MTMR8: variants seen among roughly 807,000 people sequenced by gnomAD.
MTMR8 encodes phosphatidylinositol-3,5-bisphosphate 3-phosphatase MTMR8.
MTMR8 carries 65 observed loss-of-function variants against 39.3 expected under a neutral mutation model. The ratio of observed to expected loss-of-function variants is 1.65; its 90% CI spans 1.35 to 2.03. The LOEUF (loss-of-function observed/expected upper bound fraction) is 2.03, where lower values mean the gene tolerates loss of function less well. Among genes scored for constraint, MTMR8 ranks in the 30% most tolerant of loss-of-function variants. MTMR8 has a pLI of 0.00. For synonymous variants in MTMR8, 245 were observed against 185.2 expected (o/e 1.32, Z -2.62); for missense variants, 777 against 538.9 (o/e 1.44, Z -4.37).
chrX:64,357,174 A>ATCTT lies in MTMR8; in HGVS notation c.148-837_148-836insAAGA, dbSNP rs752870535. 3.2e-3 allele frequency among the ~76,000 whole-genome samples: 360 copies of ATCTT among 111,511 alleles called. 3 individuals are homozygous for ATCTT. The highest frequency in any genetic ancestry group is 0.011 in the African/African-American group (347 of 30,734). ...TCATGGTTTTGCATTTTGATCTTTG[A>ATCTT]TGTTCTCCTCCTATCCCTGTCTTAT... On this transcript the variant is annotated intron_variant, in intron 2 of 13. Coordinates refer to ENST00000374852, the MANE Select transcript of MTMR8 (RefSeq NM_017677.4).
rs1043984745 is a variant in MTMR8 at position 64,349,829 on chromosome X, A to G, written c.597+113T>C. On this transcript the variant is annotated intron_variant, in intron 5 of 13. Transcript: ENST00000374852. The stretch of plus-strand genomic sequence containing the variant: ...AACCTTCAGAAGTATGAAAGTCCAG[A>G]GAAGTTAAGTAACTTGCCTGAGGTC... The G allele has an allele frequency of 1.0e-5, 6 of 581,346 alleles. No individual in the cohort carries two copies. The African/African-American group carries it at 1.2e-4, about 11-fold the overall frequency. The allele number at this position is 581,346 out of a possible 1,213,427, so 47.9% of individuals were successfully genotyped here.
In MTMR8 at chrX:64,318,426, C is replaced by CT. The variant is rs770115261; in HGVS notation, c.1481+10345dup. On this transcript the variant is annotated intron_variant, in intron 12 of 13. Transcript: ENST00000374852. ...AGAAAGAGATGGCTTCTATTTGTGGCTTTTTTTTCTGTTCCCGTGTTATGT... is the reference window on the plus strand; with the variant it reads ...AGAAAGAGATGGCTTCTATTTGTGGCTTTTTTTTTCTGTTCCCGTGTTATGT... 2.7e-4 allele frequency among the ~76,000 whole-genome samples: 30 copies of CT among 111,049 alleles called. No individual in the cohort carries two copies. In the East Asian group the frequency reaches 4.3e-3, roughly 16 times the overall value.
chrX:64,348,645 C>T lies in MTMR8; in HGVS notation c.732+15G>A, dbSNP rs1357711405. 8.3e-7 allele frequency: 1 copy of T among 1,206,905 alleles called. No homozygotes were observed. Among genetic ancestry groups the T allele is most frequent in the Non-Finnish European group, 1.1e-6 (1 of 893,264 alleles). On this transcript the variant is annotated intron_variant, in intron 6 of 13. Transcript: ENST00000374852. ...AGAGGCAGAAATATCAAAGAAATCA[C>T]TGAGAAATAGATACCTTTGGTCTTG...
At chrX:64,321,796 T>C (rs1214838095) in intron 12 of MTMR8, among the ~76,000 whole-genome samples, 1 of 112,242 alleles carries the variant, frequency 8.9e-6, no homozygotes, top group Non-Finnish European at 1.9e-5. Flanking sequence ...CCTGTGGGTT[T>C]GTCATATGTG....
intron 1 of MTMR8, among the ~76,000 whole-genome samples, chrX:64,376,029 T>C (rs980631587): frequency 4.0e-4 from 45 of 111,808 alleles, no homozygotes; most frequent in Non-Finnish European, 7.7e-4. Flanking sequence ...TGTGCCTACT[T>C]CCCCTTTGCT....
intron 12 of MTMR8, among the ~76,000 whole-genome samples, chrX:64,326,899 T>C (rs995310923): frequency 5.5e-5 from 6 of 109,148 alleles, no homozygotes; most frequent in Admixed American, 4.9e-4. Context: ...AAAATGCATA[T>C]ACAGGCAAAG....
At chrX:64,285,561 A>G (rs1921134740) in intron 12 of MTMR8, among the ~76,000 whole-genome samples, 1 of 111,870 alleles carries the variant, frequency 8.9e-6, no homozygotes, top group African/African-American at 3.3e-5. Flanking sequence ...AAAACTGACC[A>G]CATAGTTGGA....
chrX:64,303,478 T>C (rs1465446793), intron 12 of MTMR8, among the ~76,000 whole-genome samples: 1 of 112,350 alleles, frequency 8.9e-6, no homozygotes, highest in Non-Finnish European at 1.9e-5. Flanking sequence ...TAGTTGATTT[T>C]TAAACACAAA....
chrX:64,351,689 G>A (rs1883667), intron 4 of MTMR8, among the ~76,000 whole-genome samples: 14,397 of 111,142 alleles, frequency 0.13, 2,199 homozygotes, highest in African/African-American at 0.44. Context: ...CTGAAGGCCC[G>A]AGAGCCCCTG....
Position 64,306,379 on chromosome X carries a change from G to A in MTMR8, c.1481+22393C>T, listed in dbSNP as rs182822085. ...TGTAAAGCATTGTCATCTCTTTCAA[G>A]ACAATAGACTAGAACAGGTAGTATT... On this transcript the variant is annotated intron_variant, in intron 12 of 13. Coordinates refer to ENST00000374852, the MANE Select transcript of MTMR8 (RefSeq NM_017677.4). 2.4e-4 allele frequency: 52 copies of A among 218,785 alleles called. 1 individual carries two copies. The highest frequency in any genetic ancestry group is 1.3e-3 in the African/African-American group (46 of 34,179). The allele number at this position is 218,785 out of a possible 1,213,427, so 18.0% of individuals were successfully genotyped here.
chrX:64,305,761 C>A (rs775922767), intron 12 of MTMR8: 11 of 426,747 alleles, frequency 2.6e-5, no homozygotes, highest in Non-Finnish European at 4.0e-5. Flanking sequence ...ACACAAAGAG[C>A]TGAAAGCATT....
At chrX:64,338,753 G>A (rs1256190912) in intron 8 of MTMR8, among the ~76,000 whole-genome samples, 1 of 111,922 alleles carries the variant, frequency 8.9e-6, no homozygotes, top group East Asian at 2.8e-4. Flanking sequence ...TAAAATCGTG[G>A]AAGTCCATAT....
At chrX:64,365,955 C>T (rs1161534165) in intron 1 of MTMR8, among the ~76,000 whole-genome samples, 2 of 111,448 alleles carry the variant, frequency 1.8e-5, no homozygotes, top group Non-Finnish European at 3.8e-5. Flanking sequence ...GCAGGGGTTA[C>T]AATCCTAGTC....
At chrX:64,356,053 G>A (rs1923614174) in intron 3 of MTMR8, 123 bp downstream of exon 3, 6 of 643,644 alleles carry the variant, frequency 9.3e-6, no homozygotes, top group African/African-American at 2.3e-5. Flanking sequence ...CAAATATAAT[G>A]GAGCTAATAA....
At chrX:64,297,532 G>A (rs1301057585) in intron 12 of MTMR8, among the ~76,000 whole-genome samples, 1 of 87,218 alleles carries the variant, frequency 1.1e-5, no homozygotes, top group Non-Finnish European at 2.2e-5. Flanking sequence ...TTTGTAGGTT[G>A]CCTGTTCACT....
chrX:64,333,297 A>G (rs1027558978), intron 10 of MTMR8, among the ~76,000 whole-genome samples: 1 of 110,978 alleles, frequency 9.0e-6, no homozygotes, highest in African/African-American at 3.3e-5. Context: ...ACCTTGTCAA[A>G]CCCCTAATCC....
intron 1 of MTMR8, among the ~76,000 whole-genome samples, chrX:64,381,407 G>T (rs965881205): frequency 1.8e-5 from 2 of 109,117 alleles, no homozygotes; most frequent in African/African-American, 6.7e-5. Context: ...TTTTTGAGAA[G>T]TGTCTGTGCA....
intron 12 of MTMR8, among the ~76,000 whole-genome samples, chrX:64,285,878 G>T (rs1921151799): frequency 9.0e-6 from 1 of 111,223 alleles, no homozygotes; most frequent in Non-Finnish European, 1.9e-5. Context: ...AAGCAGGAAA[G>T]ATCTAAAATT....
intron 12 of MTMR8, among the ~76,000 whole-genome samples, chrX:64,310,965 G>A (rs931391102): frequency 9.0e-6 from 1 of 111,657 alleles, no homozygotes. Flanking sequence ...ATACATACGT[G>A]TGCATGTGTC....
Sources: allele counts gnomAD v4.1 joint callset (sites outside exome capture counted in the v4.1 genomes callset), GRCh38; gene constraint gnomAD v4.1.1; transcripts MANE v1.5; gene names NCBI Gene and HGNC (gene_info 2026-07-23, HGNC 2026-07-21).